MACROD2: variants seen among roughly 807,000 people sequenced by gnomAD.
MACROD2 encodes mono-ADP ribosylhydrolase 2.
A neutral mutation model predicts 70.4 loss-of-function variants in MACROD2; 36 were observed. The observed-to-expected ratio is 0.51, with a 90% CI of 0.39 to 0.68. The LOEUF is 0.68. Ranked by LOEUF, MACROD2 falls within the 30% of genes least tolerant of loss-of-function variation. MACROD2 has a pLI of 0.00. For synonymous variants in MACROD2, 172 were observed against 178.8 expected (o/e 0.96, Z 0.30); for missense variants, 496 against 538.4 (o/e 0.92, Z 0.78).
intron 5 of MACROD2, among the ~76,000 whole-genome samples, chr20:15,103,351 T>C (rs2075887917): frequency 6.6e-6 from 1 of 151,954 alleles, no homozygotes; most frequent in Admixed American, 6.6e-5. Context: ...TTTTTTTTCA[T>C]GTGTGGGTTT....
At chr20:14,023,206 T>A (rs2053112779) in intron 2 of MACROD2, among the ~76,000 whole-genome samples, 2 of 152,252 alleles carry the variant, frequency 1.3e-5, no homozygotes, top group Admixed American at 1.3e-4. Context: ...ATGTCTTCTT[T>A]GGAGAAGTGT....
intron 3 of MACROD2, among the ~76,000 whole-genome samples, chr20:14,249,840 A>C (rs1403338908): frequency 6.6e-6 from 1 of 152,154 alleles, no homozygotes; most frequent in Non-Finnish European, 1.5e-5. Context: ...CGTTGTATAT[A>C]ATACAAGTGA....
At chr20:14,596,162 T>A (rs1982119068) in intron 4 of MACROD2, among the ~76,000 whole-genome samples, 1 of 151,724 alleles carries the variant, frequency 6.6e-6, no homozygotes, top group Admixed American at 6.6e-5. Flanking sequence ...CTCGGCTCAC[T>A]GCAAGCTCCG....
chr20:15,353,587 T>G (rs2078252413), intron 6 of MACROD2, among the ~76,000 whole-genome samples: 1 of 151,472 alleles, frequency 6.6e-6, no homozygotes, highest in Non-Finnish European at 1.5e-5. Flanking sequence ...TGGGAGAAAA[T>G]TTTTGCAATC....
intron 3 of MACROD2, among the ~76,000 whole-genome samples, chr20:14,475,052 C>CT (rs1338519333): frequency 1.3e-5 from 2 of 151,206 alleles, no homozygotes; most frequent in African/African-American, 4.9e-5. Flanking sequence ...TCTTACTTTC[C>CT]TTTTTTGTGA....
At chr20:15,141,998 A>G (rs1455455199) in intron 5 of MACROD2, among the ~76,000 whole-genome samples, 1 of 152,170 alleles carries the variant, frequency 6.6e-6, no homozygotes, top group Non-Finnish European at 1.5e-5. Flanking sequence ...CGTTCTACCA[A>G]GCATTGGCCA....
At chr20:14,517,196 C>CCAG (rs2085111159) in intron 4 of MACROD2, among the ~76,000 whole-genome samples, 2 of 151,988 alleles carry the variant, frequency 1.3e-5, no homozygotes, top group African/African-American at 4.8e-5. Context: ...GGGTATATAC[C>CCAG]CAAAGGATTA....
intron 5 of MACROD2, among the ~76,000 whole-genome samples, chr20:14,782,098 A>G (rs902057833): frequency 6.6e-6 from 1 of 151,772 alleles, no homozygotes; most frequent in African/African-American, 2.4e-5. Context: ...TAATTTTTGC[A>G]TTTTTAGTAG....
intron 4 of MACROD2, among the ~76,000 whole-genome samples, chr20:14,509,455 T>A (rs188956770): frequency 6.6e-6 from 1 of 152,172 alleles, no homozygotes; most frequent in Non-Finnish European, 1.5e-5. Flanking sequence ...TCACAATATG[T>A]TAGAGACTAT....
chr20:14,422,512 A>G (rs751830132), intron 3 of MACROD2, among the ~76,000 whole-genome samples: 3 of 151,486 alleles, frequency 2.0e-5, no homozygotes, highest in Non-Finnish European at 4.4e-5. Flanking sequence ...TTTTTGTTCA[A>G]TTGATTTTTT....
At chr20:15,868,464 T>G (rs1323087112) in intron 9 of MACROD2, among the ~76,000 whole-genome samples, 1 of 152,176 alleles carries the variant, frequency 6.6e-6, no homozygotes, top group African/African-American at 2.4e-5. Flanking sequence ...TCAGAAAATA[T>G]GATCATTACA....
chr20:14,519,476 T>G (rs2085140749), intron 4 of MACROD2, among the ~76,000 whole-genome samples: 1 of 152,116 alleles, frequency 6.6e-6, no homozygotes, highest in Non-Finnish European at 1.5e-5. Context: ...ATGTTCAACA[T>G]CACTAATTAT....
chr20:15,395,675 C>T (rs1295852154), intron 6 of MACROD2, among the ~76,000 whole-genome samples: 2 of 152,168 alleles, frequency 1.3e-5, no homozygotes, highest in African/African-American at 4.8e-5. Flanking sequence ...CCCAAATTAA[C>T]ATATTTGACT....
At chr20:14,766,639 A>C (rs1366012203) in intron 5 of MACROD2, among the ~76,000 whole-genome samples, 1 of 152,160 alleles carries the variant, frequency 6.6e-6, no homozygotes, top group Non-Finnish European at 1.5e-5. Context: ...AAGAAAAAGA[A>C]AAATGGTTGC....
chr20:15,437,553 G>A (rs976435488), intron 7 of MACROD2, among the ~76,000 whole-genome samples: 12 of 152,146 alleles, frequency 7.9e-5, no homozygotes, highest in African/African-American at 2.9e-4. Context: ...TTGTCACATA[G>A]GTGAACTTGT....
At chr20:14,062,157 A>G (rs2053698338) in intron 2 of MACROD2, among the ~76,000 whole-genome samples, 2 of 152,168 alleles carry the variant, frequency 1.3e-5, no homozygotes, top group South Asian at 2.1e-4. Flanking sequence ...ATTGTTCACT[A>G]AAATATTTTA....
At chr20:14,594,533 A>G (rs948002386) in intron 4 of MACROD2, among the ~76,000 whole-genome samples, 2 of 151,768 alleles carry the variant, frequency 1.3e-5, no homozygotes, top group African/African-American at 4.9e-5. Context: ...TTAATATAAC[A>G]TATTTTTTCA....
chr20:15,402,639 G>A (rs1011642339), intron 6 of MACROD2, among the ~76,000 whole-genome samples: 44 of 152,336 alleles, frequency 2.9e-4, no homozygotes, highest in African/African-American at 1.0e-3. Flanking sequence ...AGTGAGTACA[G>A]GGTAGTTTTT....
intron 8 of MACROD2, among the ~76,000 whole-genome samples, chr20:15,577,267 C>T (rs550338650): frequency 1.1e-4 from 17 of 152,018 alleles, no homozygotes; most frequent in African/African-American, 4.1e-4. Context: ...AGTCAACACA[C>T]CTATTGCCAG....
Sources: allele counts gnomAD v4.1 joint callset (sites outside exome capture counted in the v4.1 genomes callset), GRCh38; gene constraint gnomAD v4.1.1; transcripts MANE v1.5; gene names NCBI Gene and HGNC (gene_info 2026-07-23, HGNC 2026-07-21).